The following FHOD3 variants were observed in gnomAD, a reference collection of about 807,000 sequenced individuals.
FHOD3 encodes formin homology 2 domain containing 3.
In FHOD3, 90 loss-of-function variants were observed where a neutral mutation model predicts 173.0. That is an observed-to-expected ratio of 0.52 (90% CI 0.44 to 0.62). FHOD3 has a LOEUF of 0.62. Among genes scored for constraint, FHOD3 ranks in the 20% least tolerant of loss-of-function variants. The pLI, the probability that FHOD3 is intolerant of heterozygous loss-of-function variation, is 0.00. For synonymous variants in FHOD3, 828 were observed against 823.0 expected (o/e 1.01, Z -0.10); for missense variants, 1,945 against 2,034.7 (o/e 0.96, Z 0.85).
intron 14 of FHOD3, among the ~76,000 whole-genome samples, chr18:36,676,496 A>G (rs553640068): frequency 6.6e-6 from 1 of 152,372 alleles, no homozygotes; most frequent in East Asian, 1.9e-4. Flanking sequence ...ATTATTTACC[A>G]TACATGTCTA....
chr18:36,478,577 G>T (rs1229130118), intron 3 of FHOD3, among the ~76,000 whole-genome samples: 2 of 152,008 alleles, frequency 1.3e-5, no homozygotes, highest in African/African-American at 4.8e-5. Context: ...TTCTTAAACA[G>T]GTCTGCCTCC....
chr18:36,420,522 G>T (rs9950966), intron 3 of FHOD3, among the ~76,000 whole-genome samples: 10,302 of 152,238 alleles, frequency 0.068, 1,161 homozygotes, highest in African/African-American at 0.23. Flanking sequence ...GAGATATGAG[G>T]ATCTTATATA....
intron 3 of FHOD3, among the ~76,000 whole-genome samples, chr18:36,440,301 A>G (rs1281052708): frequency 6.6e-6 from 1 of 152,224 alleles, no homozygotes; most frequent in East Asian, 1.9e-4. Flanking sequence ...CTGCAGCAGA[A>G]GCAGGCGCAG....
chr18:36,718,676 C>G lies in FHOD3; in HGVS notation c.3378C>G (p.His1126Gln). 6.2e-7 allele frequency: 1 copy of G among 1,614,062 alleles called. No individual in the cohort carries two copies. The highest frequency in any genetic ancestry group is 8.5e-7 in the Non-Finnish European group (1 of 1,180,004). The change falls in exon 19 of 29, where the codon CAC becomes CAG. Residue 1126 changes from histidine to glutamine, a missense_variant. This residue lies in a region of FHOD3 where 231 missense variants were observed against 321.9 expected (regional missense o/e 0.72). Transcript: ENST00000590592. The stretch of plus-strand genomic sequence containing the variant: ...AGGTGGACACTTCCAGACTGGAGCA[C>G]CTGTTTGAGTCTAAATCCAAGGAAC... ...PIKVDTSRLEHLFESKSKELS... is the reference protein window; with the variant it reads ...PIKVDTSRLEQLFESKSKELS...
chr18:36,450,467 A>G (rs1159548439), intron 3 of FHOD3, among the ~76,000 whole-genome samples: 1 of 124,994 alleles, frequency 8.0e-6, no homozygotes, highest in African/African-American at 4.7e-5. Flanking sequence ...TTATTTATTT[A>G]TTTATTTATT....
Position 36,625,552 on chromosome 18 carries a change from A to AC in FHOD3, c.1005dup (p.Ser336GlnfsTer63). On this transcript the variant is annotated frameshift_variant, in exon 10 of 29. Coordinates refer to ENST00000590592, the MANE Select transcript of FHOD3 (RefSeq NM_001281740.3). LOFTEE classifies it high-confidence loss of function. ...AGGATGGCGATGAGACCACGGAGCC[A>AC]CCCCCCAGTGGGTGCCGGGACCGGA... is the stretch of plus-strand genomic sequence containing the variant. 2 of 1,498,858 alleles carry AC rather than the reference A, an allele frequency of 1.3e-6. No homozygotes were observed. The highest frequency in any genetic ancestry group is 9.0e-7 in the Non-Finnish European group (1 of 1,113,038). The allele number at this position is 1,498,858 out of a possible 1,614,324, so 92.8% of individuals were successfully genotyped here.
chr18:36,742,874 C>G lies in FHOD3; in HGVS notation c.3879+18C>G. ...GAACTAATGTAAGTCATCCCCATCC[C>G]TCATCCTGTAGCCCCCCCTTGTCAC... is the stretch of plus-strand genomic sequence containing the variant. On this transcript the variant is annotated intron_variant, in intron 22 of 28. Coordinates refer to ENST00000590592, the MANE Select transcript of FHOD3 (RefSeq NM_001281740.3). 1.9e-6 allele frequency: 3 copies of G among 1,604,870 alleles called. No homozygotes were observed. Among genetic ancestry groups the G allele is most frequent in the African/African-American group, 1.3e-5 (1 of 74,612 alleles).
chr18:36,465,978 G>A (rs920537465), intron 3 of FHOD3, among the ~76,000 whole-genome samples: 2 of 152,174 alleles, frequency 1.3e-5, no homozygotes, highest in African/African-American at 2.4e-5. Context: ...GCAAGTCCTT[G>A]AAGTAGCTTG....
chr18:36,651,209 G>T (rs911397987), intron 11 of FHOD3, among the ~76,000 whole-genome samples: 12 of 152,102 alleles, frequency 7.9e-5, no homozygotes, highest in African/African-American at 2.9e-4. Flanking sequence ...CAGGGAAACT[G>T]TTGGGTGCCT....
chr18:36,657,951 CAGT>C (rs2036529973), intron 13 of FHOD3, 121 bp from the exon 14 acceptor site: 3 of 648,230 alleles, frequency 4.6e-6, no homozygotes, highest in Admixed American at 6.1e-5. Context: ...TTACCACTAA[CAGT>C]GGTAGCATTT....
At chr18:36,425,133 TGAGA>T (rs915295797) in intron 3 of FHOD3, among the ~76,000 whole-genome samples, 14 of 152,322 alleles carry the variant, frequency 9.2e-5, no homozygotes, top group African/African-American at 2.2e-4. Flanking sequence ...TAAGATATTT[TGAGA>T]GAGAGACTGC....
intron 17 of FHOD3, among the ~76,000 whole-genome samples, chr18:36,708,199 G>A (rs573252306): frequency 3.3e-5 from 5 of 152,174 alleles, no homozygotes; most frequent in Non-Finnish European, 7.3e-5. Flanking sequence ...AATCTCCAGC[G>A]TTGATAGGTT....
At chr18:36,543,779 T>C (rs12604401) in intron 5 of FHOD3, among the ~76,000 whole-genome samples, 68,189 of 152,044 alleles carry the variant, frequency 0.45, 15,477 homozygotes, top group Non-Finnish European at 0.49. Context: ...AAATCAGCAT[T>C]TGGTACTACT....
chr18:36,745,344 T>G (rs2042099759), intron 23 of FHOD3, among the ~76,000 whole-genome samples: 1 of 152,152 alleles, frequency 6.6e-6, no homozygotes, highest in Non-Finnish European at 1.5e-5. Flanking sequence ...CAAATCATTT[T>G]CCCCAAAGTG....
rs188061297 is a variant in FHOD3 at position 36,549,914 on chromosome 18, A to G, written c.512-26537A>G. 9.3e-5 allele frequency among the ~76,000 whole-genome samples: 14 copies of G among 150,790 alleles called. No individual in the cohort carries two copies. The East Asian group carries it at 1.6e-3, about 17-fold the overall frequency. ...AAGATTTACTCCCATTTTTTTTTCT[A>G]GAAGGTTTTAGTTTTAGGTTTTAAA... On this transcript the variant is annotated intron_variant, in intron 5 of 28. Transcript: ENST00000590592.
chr18:36,531,015 A>G (rs542262891), intron 5 of FHOD3, among the ~76,000 whole-genome samples: 1 of 152,298 alleles, frequency 6.6e-6, no homozygotes, highest in Non-Finnish European at 1.5e-5. Flanking sequence ...TGGTTGAATT[A>G]GTTCAGTGTC....
chr18:36,511,440 T>G (rs569899472), intron 4 of FHOD3, among the ~76,000 whole-genome samples: 1 of 151,808 alleles, frequency 6.6e-6, no homozygotes, highest in East Asian at 1.9e-4. Flanking sequence ...ATTAAATCAG[T>G]GGTTCTTGAA....
chr18:36,568,202 G>A (rs2058335297), intron 5 of FHOD3, among the ~76,000 whole-genome samples: 1 of 149,718 alleles, frequency 6.7e-6, no homozygotes, highest in African/African-American at 2.5e-5. Flanking sequence ...GCCAGGCATG[G>A]TGGTGCACAT....
intron 14 of FHOD3, among the ~76,000 whole-genome samples, chr18:36,679,466 A>G (rs184597033): frequency 4.3e-4 from 65 of 151,662 alleles, no homozygotes; most frequent in African/African-American, 1.4e-3. Context: ...TGCCTTTCCA[A>G]TTGTTGAGCT....
Sources: gnomAD v4.1 joint callset for allele counts (sites outside exome capture counted in the v4.1 genomes callset) on GRCh38, gnomAD v4.1.1 for gene constraint, gnomAD v4.1.1 regional missense constraint, MANE v1.5 for transcripts, NCBI Gene and HGNC (gene_info 2026-07-23, HGNC 2026-07-21) for gene names.